The following GRIK2 variants were observed in gnomAD, a reference collection of about 807,000 sequenced individuals.
GRIK2 encodes the protein glutamate ionotropic receptor kainate type subunit 2.
A neutral mutation model predicts 100.3 loss-of-function variants in GRIK2; 32 were observed. The ratio of observed to expected loss-of-function variants is 0.32; its 90% CI spans 0.24 to 0.43. GRIK2 has a LOEUF of 0.43. GRIK2 is among the 20% of genes least tolerant of loss of function. The pLI, the probability that GRIK2 is intolerant of heterozygous loss-of-function variation, is 1.00. For synonymous variants in GRIK2, 417 were observed against 389.4 expected (o/e 1.07, Z -0.83); for missense variants, 843 against 1,114.9 (o/e 0.76, Z 3.47).
At position 101,643,805 on chromosome 6, in the gene GRIK2, C is replaced by A. The variant is rs1781395816; in HGVS notation, c.541+17168C>A. On this transcript the variant is annotated intron_variant, in intron 4 of 16. Coordinates refer to ENST00000369134, the MANE Select transcript of GRIK2 (RefSeq NM_021956.5). ...TAGAGAGTACATTAAATCTATAGAT[C>A]ACTTTGAGTAATGTACTCATATTTT... Among the ~76,000 whole-genome samples the A allele has an allele frequency of 1.3e-5, 2 of 151,606 alleles. 1 individual carries two copies. The highest frequency in any genetic ancestry group is 4.1e-4 in the South Asian group (2 of 4,822).
intron 2 of GRIK2, among the ~76,000 whole-genome samples, chr6:101,438,497 G>T (rs1340658248): frequency 6.6e-6 from 1 of 152,052 alleles, no homozygotes; most frequent in African/African-American, 2.4e-5. Context: ...ATCAATATGT[G>T]TGGAACTCGT....
In GRIK2 at chr6:102,064,424, TTCTC is replaced by T. The variant is rs376031866; in HGVS notation, c.2563-3919_2563-3916del. Among the ~76,000 whole-genome samples the T allele has an allele frequency of 3.5e-3, 525 of 148,338 alleles. 3 individuals carry two copies. Among genetic ancestry groups the T allele is most frequent in the Middle Eastern group, 0.024 (7 of 294 alleles). Reference sequence around the variant, plus strand: ...CTCTCTCCCTCCCTCCTTTCTTTCTTTCTCTCTTTCTCTGTCCATCTTTCTTTCT... The same window carrying T: ...CTCTCTCCCTCCCTCCTTTCTTTCTTTCTTTCTCTGTCCATCTTTCTTTCT... On this transcript the variant is annotated intron_variant, in intron 16 of 16. Coordinates refer to ENST00000369134, the MANE Select transcript of GRIK2 (RefSeq NM_021956.5).
rs947865807 is a variant in GRIK2 at position 101,991,180 on chromosome 6, A to G, written c.2086-44161A>G. 4.1e-4 allele frequency among the ~76,000 whole-genome samples: 63 copies of G among 151,850 alleles called. 1 individual carries two copies. Among genetic ancestry groups the G allele is most frequent in the Admixed American group, 1.3e-4 (2 of 15,188 alleles). ...GCTAGTGAGTCTCAATCACACAATGATTATTAATTTCACTCTTTATTGAGA... is the reference window on the plus strand; with the variant it reads ...GCTAGTGAGTCTCAATCACACAATGGTTATTAATTTCACTCTTTATTGAGA... On this transcript the variant is annotated intron_variant, in intron 14 of 16. Coordinates refer to ENST00000369134, the MANE Select transcript of GRIK2 (RefSeq NM_021956.5).
intron 14 of GRIK2, among the ~76,000 whole-genome samples, chr6:101,938,545 ATCTT>A (rs1230540046): frequency 6.6e-6 from 1 of 152,120 alleles, no homozygotes; most frequent in Non-Finnish European, 1.5e-5. Flanking sequence ...AACAACTTGA[ATCTT>A]TGTTTTTATG....
chr6:101,867,553 C>T (rs1325454936), intron 11 of GRIK2, among the ~76,000 whole-genome samples: 1 of 150,658 alleles, frequency 6.6e-6, no homozygotes, highest in Non-Finnish European at 1.5e-5. Flanking sequence ...AGAAATTATC[C>T]CAGGATAGAG....
rs376224409 is a variant in GRIK2 at position 101,951,725 on chromosome 6, A to G, written c.2085+23093A>G. Among the ~76,000 whole-genome samples the G allele has an allele frequency of 5.0e-4, 76 of 152,286 alleles. 1 individual carries two copies. Among genetic ancestry groups the G allele is most frequent in the African/African-American group, 1.7e-3 (72 of 41,564 alleles). On this transcript the variant is annotated intron_variant, in intron 14 of 16. Coordinates refer to ENST00000369134, the MANE Select transcript of GRIK2 (RefSeq NM_021956.5). ...AAGTCTCATGAGATCTGATGATTTTATAAAGAGTAGTTCCCCTGCACATAC... is the reference window on the plus strand; with the variant it reads ...AAGTCTCATGAGATCTGATGATTTTGTAAAGAGTAGTTCCCCTGCACATAC...
At chr6:101,579,849 T>TA (rs756184787) in intron 2 of GRIK2, among the ~76,000 whole-genome samples, 28,240 of 128,794 alleles carry the variant, frequency 0.22, 3,549 homozygotes, top group Non-Finnish European at 0.3. Flanking sequence ...GACTGTGTCT[T>TA]AAAAAAAAAA....
chr6:101,943,409 G>A (rs950136299), intron 14 of GRIK2, among the ~76,000 whole-genome samples: 3 of 152,190 alleles, frequency 2.0e-5, no homozygotes, highest in South Asian at 4.1e-4. Context: ...GGAAATGTGA[G>A]AGAAGGGCCA....
At chr6:101,905,268 A>G (rs959708651) in intron 12 of GRIK2, among the ~76,000 whole-genome samples, 1 of 151,676 alleles carries the variant, frequency 6.6e-6, no homozygotes, top group Admixed American at 6.6e-5. Context: ...AATGAATGCA[A>G]TTATCAAAGG....
chr6:101,780,924 G>A (rs918640228), intron 7 of GRIK2, among the ~76,000 whole-genome samples: 1 of 152,166 alleles, frequency 6.6e-6, no homozygotes, highest in East Asian at 1.9e-4. Flanking sequence ...ATTGCTAGGG[G>A]TTATAAGAAT....
At chr6:102,052,784 T>C (rs1453077847) in intron 15 of GRIK2, among the ~76,000 whole-genome samples, 2 of 152,248 alleles carry the variant, frequency 1.3e-5, no homozygotes, top group African/African-American at 4.8e-5. Context: ...TATAATTATA[T>C]TTATATAAAA....
chr6:101,955,057 T>C (rs909333426), intron 14 of GRIK2, among the ~76,000 whole-genome samples: 3 of 152,148 alleles, frequency 2.0e-5, no homozygotes, highest in Non-Finnish European at 4.4e-5. Context: ...TCCCACTTGG[T>C]CTTGGTGTAT....
At chr6:101,782,395 C>T (rs1052638845) in intron 7 of GRIK2, among the ~76,000 whole-genome samples, 2 of 152,146 alleles carry the variant, frequency 1.3e-5, no homozygotes, top group African/African-American at 4.8e-5. Flanking sequence ...AGCTATCATT[C>T]TCCTCTCTAC....
At chr6:101,629,290 T>G (rs1780600932) in intron 4 of GRIK2, among the ~76,000 whole-genome samples, 1 of 152,102 alleles carries the variant, frequency 6.6e-6, no homozygotes, top group South Asian at 2.1e-4. Flanking sequence ...TTAGAATTGT[T>G]ACAGAATTAT....
At chr6:101,753,855 GTC>G (rs777924405) in intron 7 of GRIK2, among the ~76,000 whole-genome samples, 5 of 151,806 alleles carry the variant, frequency 3.3e-5, no homozygotes, top group Non-Finnish European at 2.9e-5. Context: ...TTGAAATACA[GTC>G]TTATGTTACT....
intron 11 of GRIK2, among the ~76,000 whole-genome samples, chr6:101,869,329 A>G (rs894028471): frequency 1.3e-5 from 2 of 151,936 alleles, no homozygotes; most frequent in African/African-American, 4.8e-5. Flanking sequence ...TTCTCAATTA[A>G]GAAGAATTTA....
chr6:101,754,082 T>C (rs971126698), intron 7 of GRIK2, among the ~76,000 whole-genome samples: 1 of 151,986 alleles, frequency 6.6e-6, no homozygotes, highest in African/African-American at 2.4e-5. Flanking sequence ...AGAAGAAATA[T>C]CACAATATTT....
intron 7 of GRIK2, among the ~76,000 whole-genome samples, chr6:101,753,109 A>C (rs1236552314): frequency 6.6e-6 from 1 of 151,870 alleles, no homozygotes; most frequent in African/African-American, 2.4e-5. Context: ...GGTGAAACCC[A>C]GTCTCTACTA....
In GRIK2 at chr6:101,963,873, A is replaced by C. The variant is rs73761501; in HGVS notation, c.2085+35241A>C. Among the ~76,000 whole-genome samples, 1,242 of 151,890 alleles carry C rather than the reference A, an allele frequency of 8.2e-3. 17 individuals carry two copies. Among genetic ancestry groups the C allele is most frequent in the African/African-American group, 0.029 (1,208 of 41,524 alleles). On this transcript the variant is annotated intron_variant, in intron 14 of 16. Transcript: ENST00000369134. The stretch of plus-strand genomic sequence containing the variant: ...TTTCAGAGAGTACCCTTCAACTTGA[A>C]CTTGCCTACATTCTTTTCTAAATAA...
Sources: allele counts gnomAD v4.1 joint callset (sites outside exome capture counted in the v4.1 genomes callset), GRCh38; gene constraint gnomAD v4.1.1; transcripts MANE v1.5; gene names NCBI Gene and HGNC (gene_info 2026-07-23, HGNC 2026-07-21).